Variants in SHROOM3 observed in about 807,000 individuals in gnomAD.
SHROOM3 encodes protein Shroom3.
Under a neutral mutation model 138.6 loss-of-function variants are expected in SHROOM3, and 47 were observed. The ratio of observed to expected loss-of-function variants is 0.34; its 90% confidence interval spans 0.27 to 0.43. SHROOM3 has a LOEUF of 0.43. Among genes scored for constraint, SHROOM3 ranks in the 20% least tolerant of loss-of-function variants. SHROOM3 has a pLI of 1.00. For synonymous variants in SHROOM3, 1,062 were observed against 1,063.3 expected (o/e 1.00, Z 0.02); for missense variants, 2,491 against 2,596.5 (o/e 0.96, Z 0.88).
At chr4:76,528,219 T>C (rs1435682144) in intron 1 of SHROOM3, among the ~76,000 whole-genome samples, 1 of 152,196 alleles carries the variant, frequency 6.6e-6, no homozygotes, top group Non-Finnish European at 1.5e-5. Flanking sequence ...GATTAACTTA[T>C]TATCCCCAAT....
At chr4:76,667,299 A>G (rs969919045) in intron 2 of SHROOM3, among the ~76,000 whole-genome samples, 1 of 152,074 alleles carries the variant, frequency 6.6e-6, no homozygotes, top group Non-Finnish European at 1.5e-5. Context: ...ACTTTACATT[A>G]TGTAGGCTGT....
chr4:76,747,063 C>T (rs762755160), intron 5 of SHROOM3, among the ~76,000 whole-genome samples: 1 of 152,114 alleles, frequency 6.6e-6, no homozygotes, highest in Non-Finnish European at 1.5e-5. Context: ...CATGATCTGC[C>T]TGTCTCTGCC....
At chr4:76,564,697 T>C (rs1733663338) in intron 2 of SHROOM3, among the ~76,000 whole-genome samples, 1 of 152,226 alleles carries the variant, frequency 6.6e-6, no homozygotes, top group African/African-American at 2.4e-5. Context: ...GGCTATGCAC[T>C]AAACACTAGC....
intron 2 of SHROOM3, among the ~76,000 whole-genome samples, chr4:76,630,941 TAGAG>T (rs1006703688): frequency 4.6e-5 from 7 of 152,180 alleles, no homozygotes; most frequent in African/African-American, 1.2e-4. Context: ...CTGTTCCACT[TAGAG>T]AGAATTAACT....
intron 2 of SHROOM3, among the ~76,000 whole-genome samples, chr4:76,582,316 A>G (rs947511464): frequency 6.6e-6 from 1 of 152,182 alleles, no homozygotes; most frequent in Admixed American, 6.5e-5. Context: ...TACACAGAAA[A>G]TCAATCTACC....
intron 1 of SHROOM3, among the ~76,000 whole-genome samples, chr4:76,520,651 T>G (rs1337972629): frequency 6.6e-6 from 1 of 152,116 alleles, no homozygotes; most frequent in Non-Finnish European, 1.5e-5. Flanking sequence ...CTACTCTGAG[T>G]GTGATCCAGG....
At chr4:76,643,804 CA>C (rs1394589156) in intron 2 of SHROOM3, among the ~76,000 whole-genome samples, 12 of 152,162 alleles carry the variant, frequency 7.9e-5, no homozygotes, top group Admixed American at 7.2e-4. Flanking sequence ...CTCCTACCCC[CA>C]AATCATTATT....
At chr4:76,755,236 T>A in intron 7 of SHROOM3, 44 bp downstream of exon 7, 1 of 1,600,004 alleles carries the variant, frequency 6.2e-7, no homozygotes, top group Admixed American at 1.7e-5. Flanking sequence ...AACAGGAGAG[T>A]GTCATGCCCC....
At chr4:76,573,642 G>A (rs1733878398) in intron 2 of SHROOM3, 1 of 154,126 alleles carries the variant, frequency 6.5e-6, no homozygotes, top group African/African-American at 2.4e-5. Context: ...TCTGTCCATA[G>A]CCTTCCCAGC....
chr4:76,519,754 G>A (rs949076685), intron 1 of SHROOM3, among the ~76,000 whole-genome samples: 3 of 152,042 alleles, frequency 2.0e-5, no homozygotes, highest in South Asian at 2.1e-4. Context: ...CATAAAACAC[G>A]GTGCCTTTTA....
At chr4:76,744,888 G>A (rs1721386426) in intron 5 of SHROOM3, among the ~76,000 whole-genome samples, 1 of 152,128 alleles carries the variant, frequency 6.6e-6, no homozygotes, top group Non-Finnish European at 1.5e-5. Flanking sequence ...AGGCCTTTCT[G>A]CCTCCAAAAA....
At chr4:76,706,683 G>T (rs1305007453) in intron 2 of SHROOM3, among the ~76,000 whole-genome samples, 2 of 152,136 alleles carry the variant, frequency 1.3e-5, no homozygotes, top group African/African-American at 4.8e-5. Flanking sequence ...TGTTGTTCAA[G>T]GGTCATCTGT....
At chr4:76,725,661 A>G (rs1720683684) in intron 3 of SHROOM3, among the ~76,000 whole-genome samples, 4 of 152,164 alleles carry the variant, frequency 2.6e-5, no homozygotes, top group Non-Finnish European at 1.5e-5. Flanking sequence ...TAGGTTCATC[A>G]TGAAAACAGA....
At position 76,584,580 on chromosome 4, in the gene SHROOM3, C is replaced by T. The variant is rs144732983; in HGVS notation, c.323+28817C>T. Among the ~76,000 whole-genome samples, 215 of 152,270 alleles carry T rather than the reference C, an allele frequency of 1.4e-3. 1 individual carries two copies. Among genetic ancestry groups the T allele is most frequent in the Middle Eastern group, 6.8e-3 (2 of 294 alleles). The stretch of plus-strand genomic sequence containing the variant: ...AATGTTCTGGTCTTTTCAGGAATGG[C>T]GTTCCCATACTAGCCGGCTGATTGT... On this transcript the variant is annotated intron_variant, in intron 2 of 10. Transcript: ENST00000296043.
Position 76,741,998 on chromosome 4 carries a change from C to G in SHROOM3, c.3753+72C>G. 6.5e-7 allele frequency: 1 copy of G among 1,548,008 alleles called. No individual in the cohort carries two copies. Among genetic ancestry groups the G allele is most frequent in the South Asian group, 1.2e-5 (1 of 85,666 alleles). ...TAGAAGCTTTAGTGGGGCTCCCCAACCCCCCACACTCTCACCCGCTCTCCC... is the reference window on the plus strand; with the variant it reads ...TAGAAGCTTTAGTGGGGCTCCCCAAGCCCCCACACTCTCACCCGCTCTCCC... On this transcript the variant is annotated intron_variant, in intron 5 of 10. Transcript: ENST00000296043. This position sits in a 1 kb window ranked among gnomAD's most constrained non-coding sequence, Gnocchi z 6.2.
At chr4:76,677,595 C>G (rs1016579616) in intron 2 of SHROOM3, among the ~76,000 whole-genome samples, 2 of 152,192 alleles carry the variant, frequency 1.3e-5, no homozygotes, top group African/African-American at 4.8e-5. Context: ...GCAAGTGTGT[C>G]TGTCTGTATT....
At chr4:76,496,266 A>G (rs1027440871) in intron 1 of SHROOM3, among the ~76,000 whole-genome samples, 4 of 152,192 alleles carry the variant, frequency 2.6e-5, no homozygotes, top group Non-Finnish European at 5.9e-5. Context: ...CCTCTTGGAC[A>G]CTGCCAGCAC....
At chr4:76,477,659 A>C (rs1187964950) in intron 1 of SHROOM3, among the ~76,000 whole-genome samples, 2 of 152,218 alleles carry the variant, frequency 1.3e-5, no homozygotes, top group Non-Finnish European at 2.9e-5. Flanking sequence ...ATGTTAAAGA[A>C]CAGATGATGT....
At chr4:76,718,601 T>C (rs577587591) in intron 3 of SHROOM3, among the ~76,000 whole-genome samples, 2 of 152,344 alleles carry the variant, frequency 1.3e-5, no homozygotes, top group East Asian at 3.9e-4. Flanking sequence ...TTCTTACTTA[T>C]GGCCTTTTCC....
Sources: allele counts gnomAD v4.1 joint callset (sites outside exome capture counted in the v4.1 genomes callset), GRCh38; gene constraint gnomAD v4.1.1; non-coding constraint Gnocchi (gnomAD v3.1); transcripts MANE v1.5; gene names NCBI Gene and HGNC (gene_info 2026-07-23, HGNC 2026-07-21).